The following FBH1 variants were observed in gnomAD, a reference collection of about 807,000 sequenced individuals.
FBH1 encodes the protein F-box DNA helicase 1, also known as DNA 3'-5' helicase 1.
Under a neutral mutation model 115.5 loss-of-function variants are expected in FBH1, and 43 were observed. The observed-to-expected ratio is 0.37, with a 90% CI of 0.29 to 0.48. The LOEUF (loss-of-function observed/expected upper bound fraction) is 0.48, where lower values mean the gene tolerates loss of function less well. FBH1 is among the 20% of genes least tolerant of loss of function. The probability of loss-of-function intolerance (pLI) is 0.99; values close to 1 mark genes in which losing one functional copy is unlikely to be tolerated. For synonymous variants in FBH1, 524 were observed against 507.8 expected (o/e 1.03, Z -0.43); for missense variants, 1,001 against 1,337.3 (o/e 0.75, Z 3.92).
chr10:5,916,103 TAAAA>T, intron 9 of FBH1, 127 bp from the exon 10 acceptor site: 1 of 806,750 alleles, frequency 1.2e-6, no homozygotes. Context: ...TTTTTCGCTT[TAAAA>T]CATTAACACT....
rs528405230 is a variant in FBH1 at position 5,910,847 on chromosome 10, G to A, written c.1021-91G>A. ...CAGTCTGTAGCCAGCAGCTGGACCC[G>A]TGGCTCGGCTTTCCTGACTCCTTCC... On this transcript the variant is annotated intron_variant, in intron 5 of 20. Transcript: ENST00000362091. The surrounding 1 kb of genome is among the most constrained non-coding windows in gnomAD (Gnocchi z 4.8). The A allele has an allele frequency of 6.0e-5, 68 of 1,136,788 alleles. No homozygotes were observed. In the South Asian group the frequency reaches 8.1e-4, roughly 14 times the overall value. The allele number at this position is 1,136,788 out of a possible 1,614,324, so 70.4% of individuals were successfully genotyped here. A position where few individuals can be genotyped will look rare whatever the true frequency, so the allele number is the denominator to read the frequency against.
intron 2 of FBH1, among the ~76,000 whole-genome samples, chr10:5,903,929 C>T (rs928544867): frequency 2.6e-5 from 4 of 152,226 alleles, no homozygotes; most frequent in African/African-American, 9.6e-5. Flanking sequence ...CAGATTTTAT[C>T]TCTGCTAAAT....
intron 1 of FBH1, among the ~76,000 whole-genome samples, chr10:5,892,678 A>G (rs958552644): frequency 6.6e-6 from 1 of 151,900 alleles, no homozygotes; most frequent in African/African-American, 2.4e-5. Context: ...CCTCCCTCTC[A>G]CTCCGGGGGA....
intron 1 of FBH1, chr10:5,894,026 C>T (rs898099211): frequency 7.1e-6 from 7 of 985,382 alleles, no homozygotes; most frequent in African/African-American, 3.5e-5. Context: ...CTGTCATACA[C>T]GAGTGCTGTC....
Position 5,927,473 on chromosome 10 carries a change from G to T in FBH1, c.2761G>T (p.Ala921Ser). ...SEDEWNLLYV[A>S]VTRAKKRLIM... ...GGATGAATGGAATTTACTGTATGTT[G>T]CAGTAACTCGAGCCAAGAAGCGTCT... The change falls in exon 19 of 21, where the codon GCA becomes TCA. Residue 921 changes from alanine (A) to serine (S), a missense_variant. Physicochemically the swap from Ala to Ser is moderately conservative, Grantham distance 99. Coordinates refer to ENST00000362091, the MANE Select transcript of FBH1 (RefSeq NM_178150.3). The T allele has an allele frequency of 6.2e-7, 1 of 1,613,468 alleles. No homozygotes were observed. The highest frequency in any genetic ancestry group is 8.5e-7 in the Non-Finnish European group (1 of 1,179,772).
intron 1 of FBH1, chr10:5,895,000 T>C (rs1842930260): frequency 6.3e-7 from 1 of 1,581,406 alleles, no homozygotes; most frequent in Non-Finnish European, 8.6e-7. Flanking sequence ...TTTATGGTGC[T>C]GGAGTTGAGA....
Position 5,910,310 on chromosome 10 carries a change from C to T in FBH1, c.1021-628C>T, listed in dbSNP as rs1259414489. Among the ~76,000 whole-genome samples the T allele has an allele frequency of 1.3e-5, 2 of 151,982 alleles. No individual in the cohort carries two copies. The highest frequency in any genetic ancestry group is 4.8e-5 in the African/African-American group (2 of 41,372). On this transcript the variant is annotated intron_variant, in intron 5 of 20. Coordinates refer to ENST00000362091, the MANE Select transcript of FBH1 (RefSeq NM_178150.3). The surrounding 1 kb of genome is among the most constrained non-coding windows in gnomAD (Gnocchi z 4.8). ...AAAAAAAAAAGATGAAGATCTGTGT[C>T]CACTATTGACTGTTTCTGTGTAAGC...
intron 1 of FBH1, among the ~76,000 whole-genome samples, chr10:5,898,347 A>T (rs1182522845): frequency 6.6e-6 from 1 of 152,122 alleles, no homozygotes; most frequent in Admixed American, 6.5e-5. Flanking sequence ...GACCTCTCTT[A>T]TAAGGGCACT....
chr10:5,921,171 G>A lies in FBH1; in HGVS notation c.2101-87G>A. The A allele has an allele frequency of 1.5e-6, 2 of 1,312,234 alleles. No individual in the cohort carries two copies. The highest frequency in any genetic ancestry group is 2.2e-6 in the Non-Finnish European group (2 of 920,844). 81.3% of individuals were successfully genotyped at this position (1,312,234 alleles called of 1,614,324 possible). A position where few individuals can be genotyped will look rare whatever the true frequency, so the allele number is the denominator to read the frequency against. The stretch of plus-strand genomic sequence containing the variant: ...GGTCAGGAACAACTTGTAGGGTCTG[G>A]CCCGGCCAGGCTGTGGCAGCAGTGA... On this transcript the variant is annotated intron_variant, in intron 13 of 20. Coordinates refer to ENST00000362091, the MANE Select transcript of FBH1 (RefSeq NM_178150.3). This position sits in a 1 kb window ranked among gnomAD's most constrained non-coding sequence, Gnocchi z 6.4.
At chr10:5,899,219 C>T (rs1843188928) in intron 1 of FBH1, among the ~76,000 whole-genome samples, 1 of 152,212 alleles carries the variant, frequency 6.6e-6, no homozygotes, top group Admixed American at 6.5e-5. Flanking sequence ...ACACACCATT[C>T]AGCTAAGCAG....
At chr10:5,889,578 C>A (rs977830709), upstream of FBH1, 2 of 244,408 alleles carry the variant, frequency 8.2e-6, no homozygotes, top group Admixed American at 5.6e-5. Context: ...CCTCACAGCC[C>A]CGGCCTGCCC....
chr10:5,912,731 C>T (rs1831680381), intron 6 of FBH1, among the ~76,000 whole-genome samples: 1 of 152,210 alleles, frequency 6.6e-6, no homozygotes, highest in Non-Finnish European at 1.5e-5. Context: ...TAGGAGGACC[C>T]CAATTCTTGT....
rs1237555201 is a variant in FBH1 at position 5,895,823 on chromosome 10, G to A, written c.1+5477G>A. On this transcript the variant is annotated intron_variant, in intron 1 of 20. Transcript: ENST00000362091. The surrounding 1 kb of genome is among the most constrained non-coding windows in gnomAD (Gnocchi z 5.0). ...AGTGGAGGGCAGGTCTGGAAGAGGC[G>A]TGTGCTGCTGCTGTTCCCATTGCAT... Among the ~76,000 whole-genome samples the A allele has an allele frequency of 7.9e-5, 12 of 152,190 alleles. No homozygotes were observed. The highest frequency in any genetic ancestry group is 2.1e-4 in the South Asian group (1 of 4,828).
chr10:5,928,271 C>T (rs749052574), intron 19 of FBH1: 2 of 151,600 alleles, frequency 1.3e-5, no homozygotes, highest in Non-Finnish European at 2.9e-5. Context: ...TTACCTCAGC[C>T]TCCTGAGTAA....
At position 5,937,175 on chromosome 10, in the gene FBH1, C is replaced by A; in HGVS notation, c.3027C>A (p.Pro1009=). The A allele has an allele frequency of 6.2e-7, 1 of 1,614,082 alleles. No homozygotes were observed. Among genetic ancestry groups the A allele is most frequent in the Non-Finnish European group, 8.5e-7 (1 of 1,179,964 alleles). The change falls in exon 21 of 21, where the codon CCC becomes CCA. Residue 1009 remains proline, a synonymous_variant. Coordinates refer to ENST00000362091, the MANE Select transcript of FBH1 (RefSeq NM_178150.3). ...CHSCAEQRIG[P]LAFLTASPEQ... ...CCTGTGCGGAGCAGCGCATCGGGCC[C>A]CTGGCGTTCCTGACAGCCTCCCCGG...
At position 5,937,300 on chromosome 10, in the gene FBH1, C is replaced by A; in HGVS notation, c.*20C>A. On this transcript the variant is annotated 3_prime_UTR_variant, in exon 21 of 21. Transcript: ENST00000362091. ...TTCTGAGGACAAGGCGCACGTTCTC[C>A]GCAGTGCAGAGCAGCTTGCCGAGGA... 6.4e-7 allele frequency: 1 copy of A among 1,564,012 alleles called. No homozygotes were observed. The highest frequency in any genetic ancestry group is 1.2e-5 in the South Asian group (1 of 83,890).
intron 9 of FBH1, 39 bp from the exon 10 acceptor site, chr10:5,916,193 CAG>C (rs1831926465): frequency 1.3e-6 from 2 of 1,568,972 alleles, no homozygotes; most frequent in African/African-American, 2.7e-5. Flanking sequence ...AGCACCAAGC[CAG>C]GAGAGCCACG....
chr10:5,913,279 G>T lies in FBH1; in HGVS notation c.1212-468G>T, dbSNP rs549699745. The stretch of plus-strand genomic sequence containing the variant: ...CTTGGGACCTTAAAAGATAGAATGT[G>T]TTCATGCGTCTAAAGCAATGTCATG... On this transcript the variant is annotated intron_variant, in intron 6 of 20. Transcript: ENST00000362091. The surrounding 1 kb of genome is among the most constrained non-coding windows in gnomAD (Gnocchi z 4.4). 1.8e-4 allele frequency among the ~76,000 whole-genome samples: 28 copies of T among 152,204 alleles called. No individual in the cohort carries two copies. The highest frequency in any genetic ancestry group is 4.1e-4 in the Non-Finnish European group (28 of 68,028).
rs114361074 is a variant in FBH1, at chr10:5,911,851, T to C, written c.1211+723T>C. ...GGAAAAAGCTTCTCTGAGCAGGTAG[T>C]GTCTGAGTGAAACCTGAGTGTGGAG... On this transcript the variant is annotated intron_variant, in intron 6 of 20. Transcript: ENST00000362091. This position sits in a 1 kb window ranked among gnomAD's most constrained non-coding sequence, Gnocchi z 5.4. Among the ~76,000 whole-genome samples the C allele has an allele frequency of 2.0e-3, 300 of 152,284 alleles. 1 individual carries two copies. The highest frequency in any genetic ancestry group is 7.1e-3 in the African/African-American group (294 of 41,554).
Sources: gnomAD v4.1 joint callset for allele counts (sites outside exome capture counted in the v4.1 genomes callset) on GRCh38, gnomAD v4.1.1 for gene constraint, Gnocchi (gnomAD v3.1) non-coding constraint, MANE v1.5 for transcripts, NCBI Gene and HGNC (gene_info 2026-07-23, HGNC 2026-07-21) for gene names.